Variants in SLIT3 observed in about 807,000 individuals in gnomAD.
The protein encoded by SLIT3 is slit guidance ligand 3, also known as slit homolog 3 protein.
SLIT3 carries 68 observed loss-of-function variants against 184.0 expected under a neutral mutation model. The ratio of observed to expected loss-of-function variants is 0.37; its 90% CI spans 0.30 to 0.45. SLIT3 has a LOEUF of 0.45. Ranked by LOEUF, SLIT3 falls within the 20% of genes least tolerant of loss-of-function variation. The probability of loss-of-function intolerance (pLI) is 1.00; values close to 1 mark genes in which losing one functional copy is unlikely to be tolerated. For synonymous variants in SLIT3, 831 were observed against 828.6 expected (o/e 1.00, Z -0.05); for missense variants, 1,707 against 2,026.0 (o/e 0.84, Z 3.02).
intron 1 of SLIT3, chr5:169,263,543 G>A (rs990863249): frequency 1.2e-5 from 5 of 418,626 alleles, no homozygotes; most frequent in East Asian, 9.8e-5. Context: ...TTCAGATTGC[G>A]AGGCTCCAGA....
intron 4 of SLIT3, among the ~76,000 whole-genome samples, chr5:168,975,786 G>C (rs571962966): frequency 1.3e-5 from 2 of 152,158 alleles, no homozygotes; most frequent in South Asian, 4.2e-4. Context: ...CGTTTCATTA[G>C]GCAGAACAAT....
At chr5:168,907,979 T>TATATAGAGAGAGAGAGAGAG (rs376418381) in intron 4 of SLIT3, among the ~76,000 whole-genome samples, 3 of 50,084 alleles carry the variant, frequency 6.0e-5, no homozygotes, top group African/African-American at 2.5e-4. Context: ...TATATATATA[T>TATATAGAGAGAGAGAGAGAG]AGAGAGAGAG....
chr5:169,148,282 T>C (rs1761997609), intron 4 of SLIT3, among the ~76,000 whole-genome samples: 3 of 152,300 alleles, frequency 2.0e-5, no homozygotes, highest in Admixed American at 1.3e-4. Flanking sequence ...ATTTAACCAA[T>C]TTAACTTTGC....
rs746097776 is a variant in SLIT3 at position 168,817,402 on chromosome 5, G to A, written c.691C>T (p.Arg231Ter). The A allele has an allele frequency of 1.6e-5, 26 of 1,614,064 alleles. No individual in the cohort carries two copies. Among genetic ancestry groups the A allele is most frequent in the East Asian group, 2.2e-5 (1 of 44,888 alleles). Residue 231 changes from arginine (R) to a stop codon, truncating the protein, a stop_gained, in exon 8 of 36, where the codon CGA (arginine) becomes TGA (stop). Transcript: ENST00000519560. LOFTEE classifies it high-confidence loss of function. ...AACTGGCCAACTGTCCGTCGCTGTC[G>A]CAGCCAATCCGAGAGCCAGGCCAGG... is the stretch of plus-strand genomic sequence containing the variant. Reference protein sequence around the residue: ...CHLAWLSDWLRQRRTVGQFTL... With the variant: ...CHLAWLSDWL
intron 4 of SLIT3, among the ~76,000 whole-genome samples, chr5:169,169,570 T>G (rs999201266): frequency 1.5e-4 from 23 of 152,076 alleles, no homozygotes; most frequent in Admixed American, 1.4e-3. Flanking sequence ...ATGGTAGAAG[T>G]TTTCATGGTT....
chr5:168,735,661 TAC>T (rs150528782), intron 20 of SLIT3, among the ~76,000 whole-genome samples: 22,518 of 141,814 alleles, frequency 0.16, 1,786 homozygotes, highest in Middle Eastern at 0.22. Context: ...GACAGATAGA[TAC>T]ACACACACAC....
intron 23 of SLIT3, among the ~76,000 whole-genome samples, chr5:168,718,413 A>G (rs1448271236): frequency 3.9e-5 from 6 of 152,106 alleles, no homozygotes; most frequent in Non-Finnish European, 7.4e-5. Flanking sequence ...GCCCAGAGCT[A>G]ACTGATTCCA....
intron 4 of SLIT3, among the ~76,000 whole-genome samples, chr5:169,089,155 C>T (rs539333923): frequency 8.0e-5 from 12 of 150,664 alleles, no homozygotes; most frequent in African/African-American, 2.7e-4. Flanking sequence ...CCGCTATCTG[C>T]ACACAAGTGC....
intron 35 of SLIT3, 71 bp from the exon 36 acceptor site, chr5:168,666,760 A>C: frequency 6.2e-7 from 1 of 1,607,158 alleles, no homozygotes; most frequent in South Asian, 1.1e-5. Context: ...GTTCCCAGGT[A>C]GGCTGCTTTG....
rs189677219 is a variant in SLIT3, at chr5:169,007,477, C to T, written c.414-124141G>A. ...ATTCTACGTGCTTTTTGATCCAAAA[C>T]GAATAGATGTTAAAATAAGATTAGG... On this transcript the variant is annotated intron_variant, in intron 4 of 35. Transcript: ENST00000519560. 5.3e-5 allele frequency among the ~76,000 whole-genome samples: 8 copies of T among 152,262 alleles called. No individual in the cohort carries two copies. The South Asian group carries it at 8.3e-4, about 16-fold the overall frequency.
intron 4 of SLIT3, among the ~76,000 whole-genome samples, chr5:168,892,266 C>G (rs1042584342): frequency 6.6e-6 from 1 of 152,062 alleles, no homozygotes; most frequent in African/African-American, 2.4e-5. Flanking sequence ...CTTTGCATTC[C>G]TTTTTTCATT....
At chr5:169,185,728 T>C (rs1186201332) in intron 4 of SLIT3, among the ~76,000 whole-genome samples, 1 of 152,190 alleles carries the variant, frequency 6.6e-6, no homozygotes, top group Non-Finnish European at 1.5e-5. Flanking sequence ...AGGGCTCCAG[T>C]CATTCAACAA....
At chr5:168,750,134 C>T (rs1321813151) in intron 18 of SLIT3, among the ~76,000 whole-genome samples, 2 of 152,170 alleles carry the variant, frequency 1.3e-5, no homozygotes, top group South Asian at 2.1e-4. Context: ...GGTTTCTGTG[C>T]TCGCCTTGCA....
At chr5:168,729,087 C>T (rs1020699687) in intron 20 of SLIT3, among the ~76,000 whole-genome samples, 2 of 151,206 alleles carry the variant, frequency 1.3e-5, no homozygotes, top group Non-Finnish European at 2.9e-5. Flanking sequence ...TCCAGTCAGA[C>T]AAAAATAAGG....
chr5:168,982,585 A>G (rs1754985663), intron 4 of SLIT3, among the ~76,000 whole-genome samples: 2 of 152,232 alleles, frequency 1.3e-5, no homozygotes, highest in African/African-American at 4.8e-5. Flanking sequence ...TTTTTATAGT[A>G]TTTTACAAAT....
At chr5:168,950,252 C>T (rs1358193286) in intron 4 of SLIT3, among the ~76,000 whole-genome samples, 1 of 152,052 alleles carries the variant, frequency 6.6e-6, no homozygotes, top group African/African-American at 2.4e-5. Context: ...CTTCTATGAT[C>T]CAGGAAACAC....
chr5:169,081,662 G>A (rs1038208843), intron 4 of SLIT3, among the ~76,000 whole-genome samples: 3 of 152,144 alleles, frequency 2.0e-5, no homozygotes, highest in African/African-American at 7.2e-5. Flanking sequence ...AGCAGCACAT[G>A]GTCCTCTTAA....
At chr5:168,822,324 C>T (rs923404967) in intron 7 of SLIT3, among the ~76,000 whole-genome samples, 2 of 152,172 alleles carry the variant, frequency 1.3e-5, no homozygotes, top group African/African-American at 4.8e-5. Context: ...CTGATCCTCA[C>T]CACCATTCCT....
At chr5:169,087,943 T>A (rs1181547884) in intron 4 of SLIT3, among the ~76,000 whole-genome samples, 1 of 152,170 alleles carries the variant, frequency 6.6e-6, no homozygotes, top group Non-Finnish European at 1.5e-5. Flanking sequence ...TAACTTGGCA[T>A]CCCCCTACTT....
Sources: gnomAD v4.1 joint callset for allele counts (sites outside exome capture counted in the v4.1 genomes callset) on GRCh38, gnomAD v4.1.1 for gene constraint, MANE v1.5 for transcripts, NCBI Gene and HGNC (gene_info 2026-07-23, HGNC 2026-07-21) for gene names.